The following ADAM12 variants were observed in gnomAD, a reference collection of about 807,000 sequenced individuals.
The protein encoded by ADAM12 is ADAM metallopeptidase domain 12.
A neutral mutation model predicts 106.4 loss-of-function variants in ADAM12; 70 were observed. The observed-to-expected ratio is 0.66, with a 90% CI of 0.54 to 0.80. The LOEUF is 0.80. Among genes scored for constraint, ADAM12 ranks in the 30% least tolerant of loss-of-function variants. ADAM12 has a pLI of 0.00. For synonymous variants in ADAM12, 420 were observed against 433.5 expected, an observed-to-expected ratio of 0.97 and a Z score of 0.39; for missense variants, 1,010 against 1,171.9, an observed-to-expected ratio of 0.86 and a Z score of 2.02.
intron 3 of ADAM12, among the ~76,000 whole-genome samples, chr10:126,225,039 A>G (rs1465515839): frequency 6.6e-6 from 1 of 152,210 alleles, no homozygotes; most frequent in Non-Finnish European, 1.5e-5. Context: ...AACTCTTTAG[A>G]AAGGGGGCAC....
At chr10:126,108,395 A>G (rs1369144389) in intron 8 of ADAM12, among the ~76,000 whole-genome samples, 198 bp downstream of exon 8, 1 of 152,136 alleles carries the variant, frequency 6.6e-6, no homozygotes, top group African/African-American at 2.4e-5. Flanking sequence ...AGGCCACCAT[A>G]GTCCAGACTG....
intron 3 of ADAM12, among the ~76,000 whole-genome samples, chr10:126,178,406 A>ATTTT (rs1426086384): frequency 1.4e-4 from 17 of 120,862 alleles, no homozygotes; most frequent in African/African-American, 5.7e-4. Context: ...ATTGGAGGAC[A>ATTTT]TCTTTTTTTT....
intron 21 of ADAM12, among the ~76,000 whole-genome samples, chr10:126,028,944 G>T (rs988287510): frequency 6.6e-6 from 1 of 152,048 alleles, no homozygotes; most frequent in East Asian, 1.9e-4. Context: ...GTGGGCAAAA[G>T]ACATGAACAG....
intron 3 of ADAM12, among the ~76,000 whole-genome samples, chr10:126,236,092 C>T (rs577310399): frequency 1.3e-4 from 20 of 152,168 alleles, no homozygotes; most frequent in Non-Finnish European, 2.2e-4. Context: ...AGGCCACCAG[C>T]GCGGAAGGAG....
intron 4 of ADAM12, among the ~76,000 whole-genome samples, chr10:126,146,867 T>C (rs944901316): frequency 1.3e-5 from 2 of 152,218 alleles, no homozygotes; most frequent in African/African-American, 2.4e-5. Flanking sequence ...GATACACTTA[T>C]GAGATGTGCG....
intron 1 of ADAM12, among the ~76,000 whole-genome samples, chr10:126,368,300 A>G (rs1855986303): frequency 6.7e-6 from 1 of 148,918 alleles, no homozygotes; most frequent in African/African-American, 2.5e-5. Context: ...AAATTTCATT[A>G]TTCCTTTGAT....
chr10:126,295,910 A>AAC (rs113506950), intron 2 of ADAM12, among the ~76,000 whole-genome samples: 95,065 of 148,174 alleles, frequency 0.64, 31,159 homozygotes, highest in South Asian at 0.83. Context: ...CACACACACA[A>AAC]ACACACACAC....
intron 3 of ADAM12, among the ~76,000 whole-genome samples, chr10:126,179,741 G>A (rs1367223544): frequency 1.3e-5 from 2 of 152,156 alleles, no homozygotes; most frequent in Admixed American, 6.5e-5. Flanking sequence ...TTCTGGTCTC[G>A]TGTGGGTGAT....
At chr10:126,247,323 C>A (rs1958650178) in intron 3 of ADAM12, among the ~76,000 whole-genome samples, 1 of 152,164 alleles carries the variant, frequency 6.6e-6, no homozygotes, top group Admixed American at 6.5e-5. Context: ...AATATTAACT[C>A]TTCTCACCCT....
chr10:126,132,581 A>G (rs1056503393), intron 5 of ADAM12, among the ~76,000 whole-genome samples: 1 of 144,208 alleles, frequency 6.9e-6, no homozygotes, highest in East Asian at 2.3e-4. Flanking sequence ...CTGTCTCATG[A>G]TGCTCACTAG....
At chr10:126,208,409 G>C (rs959498806) in intron 3 of ADAM12, among the ~76,000 whole-genome samples, 6 of 152,128 alleles carry the variant, frequency 3.9e-5, no homozygotes, top group African/African-American at 1.4e-4. Context: ...ACCTGTTCAA[G>C]CTTCATCAGA....
chr10:126,303,079 T>G (rs192830139), intron 2 of ADAM12, among the ~76,000 whole-genome samples: 11 of 152,338 alleles, frequency 7.2e-5, no homozygotes, highest in Admixed American at 7.2e-4. Context: ...AGGACTGATT[T>G]GATCATTTTT....
chr10:126,292,700 T>C (rs755201266), intron 2 of ADAM12, among the ~76,000 whole-genome samples: 1 of 152,242 alleles, frequency 6.6e-6, no homozygotes, highest in Non-Finnish European at 1.5e-5. Flanking sequence ...ACTGCTCAAC[T>C]CTGCCACTGC....
chr10:126,373,434 A>G (rs926086491), intron 1 of ADAM12, among the ~76,000 whole-genome samples: 1 of 152,238 alleles, frequency 6.6e-6, no homozygotes, highest in Admixed American at 6.5e-5. Context: ...TGCCAGCAGG[A>G]AAGCAGCTGA....
In ADAM12 at chr10:126,017,059, G is replaced by A. The variant is rs1406605446; in HGVS notation, c.*220C>T. The A allele has an allele frequency of 5.8e-6, 3 of 517,094 alleles. No homozygotes were observed. The highest frequency in any genetic ancestry group is 6.9e-6 in the Non-Finnish European group (2 of 291,240). The allele number at this position is 517,094 out of a possible 1,614,324, so 32.0% of individuals were successfully genotyped here. On this transcript the variant is annotated 3_prime_UTR_variant, in exon 23 of 23. Coordinates refer to ENST00000448723, the MANE Select transcript of ADAM12 (RefSeq NM_001288973.2). ...AATGCCTACTACAGCGCACTGCACT[G>A]TAATCAACATTCTGCATAAATTAAT... is the stretch of plus-strand genomic sequence containing the variant.
chr10:126,120,229 A>C (rs1265979734), intron 5 of ADAM12, among the ~76,000 whole-genome samples: 1 of 152,196 alleles, frequency 6.6e-6, no homozygotes, highest in Non-Finnish European at 1.5e-5. Flanking sequence ...ACTACAAATC[A>C]ACTGACAAAA....
In ADAM12 at chr10:126,099,053, G is replaced by A. The variant is rs115552109; in HGVS notation, c.912-553C>T. On this transcript the variant is annotated intron_variant, in intron 9 of 22. Transcript: ENST00000448723. Reference sequence around the variant, plus strand: ...ACAAGTGAGCACCCACAAAGCCTTGGCACCTAGGGAGGAAGCTTCTGGAAG... The same window carrying A: ...ACAAGTGAGCACCCACAAAGCCTTGACACCTAGGGAGGAAGCTTCTGGAAG... Among the ~76,000 whole-genome samples the A allele has an allele frequency of 1.7e-3, 262 of 152,158 alleles. 2 individuals carry two copies. Among genetic ancestry groups the A allele is most frequent in the African/African-American group, 6.0e-3 (249 of 41,502 alleles).
At chr10:126,328,439 C>G (rs1854384783) in intron 2 of ADAM12, among the ~76,000 whole-genome samples, 1 of 152,156 alleles carries the variant, frequency 6.6e-6, no homozygotes, top group Non-Finnish European at 1.5e-5. Flanking sequence ...GTAATGAGGA[C>G]AGATACACAC....
At chr10:126,025,208 A>C (rs546597566) in intron 21 of ADAM12, among the ~76,000 whole-genome samples, 4 of 152,244 alleles carry the variant, frequency 2.6e-5, no homozygotes, top group African/African-American at 7.2e-5. Context: ...GATGGCTGAC[A>C]TGACAGAAGT....
Sources: allele counts gnomAD v4.1 joint callset (sites outside exome capture counted in the v4.1 genomes callset), GRCh38; gene constraint gnomAD v4.1.1; transcripts MANE v1.5; gene names NCBI Gene and HGNC (gene_info 2026-07-23, HGNC 2026-07-21).